The following TRPS1 variants were observed in gnomAD, a reference collection of about 807,000 sequenced individuals.
TRPS1 encodes the protein transcriptional repressor GATA binding 1, also known as zinc finger transcription factor Trps1.
Under a neutral mutation model 101.2 loss-of-function variants are expected in TRPS1, and 6 were observed. The ratio of observed to expected loss-of-function variants is 0.06; its 90% confidence interval spans 0.03 to 0.12. TRPS1 has a LOEUF of 0.12. Among genes scored for constraint, TRPS1 ranks in the 10% least tolerant of loss-of-function variants. The pLI is 1.00. For missense variants in TRPS1, 1,363 were observed against 1,567.0 expected (o/e 0.87, Z 2.20); for synonymous variants, 578 against 589.8 (o/e 0.98, Z 0.29).
chr8:115,450,201 T>G lies in TRPS1; in HGVS notation c.2701-31749A>C, dbSNP rs113925894. On this transcript the variant is annotated intron_variant, in intron 5 of 6. Coordinates refer to ENST00000395715, the MANE Select transcript of TRPS1 (RefSeq NM_014112.5). ...ATTAAAAATTTAAGTAAGTTATTTC[T>G]GAAATTTATTTCTTGCACCCACCTA... 5.9e-3 allele frequency among the ~76,000 whole-genome samples: 895 copies of G among 152,332 alleles called. 6 individuals are homozygous for G. Among genetic ancestry groups the G allele is most frequent in the Non-Finnish European group, 9.5e-3 (645 of 68,028 alleles).
intron 5 of TRPS1, among the ~76,000 whole-genome samples, chr8:115,518,992 G>A (rs1250275306): frequency 2.6e-5 from 4 of 151,706 alleles, no homozygotes; most frequent in Middle Eastern, 3.4e-3. Flanking sequence ...TAAAGGGTAG[G>A]GACCACTTTA....
intron 5 of TRPS1, among the ~76,000 whole-genome samples, chr8:115,533,703 G>A (rs1260194878): frequency 1.3e-5 from 2 of 151,882 alleles, no homozygotes; most frequent in Non-Finnish European, 2.9e-5. Context: ...TAGACTGGGT[G>A]GCTTAAACAA....
chr8:115,523,751 G>A (rs1815925557), intron 5 of TRPS1, among the ~76,000 whole-genome samples: 1 of 152,092 alleles, frequency 6.6e-6, no homozygotes, highest in Admixed American at 6.6e-5. Flanking sequence ...TTGATACATG[G>A]ATGAGTCTCC....
At chr8:115,640,967 C>A (rs770132655) in intron 1 of TRPS1, among the ~76,000 whole-genome samples, 21 of 152,088 alleles carry the variant, frequency 1.4e-4, no homozygotes, top group Admixed American at 6.6e-4. Flanking sequence ...ATTGCTTAAA[C>A]CTGATTTTAC....
intron 5 of TRPS1, among the ~76,000 whole-genome samples, chr8:115,575,901 T>C (rs1817307059): frequency 6.6e-6 from 1 of 152,134 alleles, no homozygotes; most frequent in Non-Finnish European, 1.5e-5. Context: ...TTAGAGTCTA[T>C]TCATGGACTC....
chr8:115,618,502 C>T (rs1318434247), intron 3 of TRPS1, among the ~76,000 whole-genome samples: 1 of 152,086 alleles, frequency 6.6e-6, no homozygotes, highest in African/African-American at 2.4e-5. Context: ...TTGCCATTTT[C>T]CTTAAATGCA....
chr8:115,507,529 C>T (rs1190155179), intron 5 of TRPS1, among the ~76,000 whole-genome samples: 1 of 151,880 alleles, frequency 6.6e-6, no homozygotes, highest in Non-Finnish European at 1.5e-5. Flanking sequence ...TACAGAGAAG[C>T]ACAGAAACGA....
intron 1 of TRPS1, among the ~76,000 whole-genome samples, chr8:115,648,853 T>TC (rs1216671975): frequency 6.6e-6 from 1 of 152,136 alleles, no homozygotes; most frequent in Non-Finnish European, 1.5e-5. Context: ...TTTTTTTTTT[T>TC]CTTTTTTGTC....
rs575493311 is a variant in TRPS1 at position 115,477,139 on chromosome 8, T to C, written c.2701-58687A>G. 3.9e-5 allele frequency among the ~76,000 whole-genome samples: 6 copies of C among 152,226 alleles called. No homozygotes were observed. The South Asian group carries it at 1.0e-3, about 26-fold the overall frequency. On this transcript the variant is annotated intron_variant, in intron 5 of 6. Coordinates refer to ENST00000395715, the MANE Select transcript of TRPS1 (RefSeq NM_014112.5). ...ACATTTGAATGAATTAAGTGAGAAA[T>C]GTGACACAGAAATACCTGTGTGTTA... is the stretch of plus-strand genomic sequence containing the variant.
At chr8:115,655,039 T>C (rs1811647940) in intron 1 of TRPS1, among the ~76,000 whole-genome samples, 1 of 152,184 alleles carries the variant, frequency 6.6e-6, no homozygotes, top group Non-Finnish European at 1.5e-5. Flanking sequence ...ATGAGGATGG[T>C]GAACGGACCC....
At chr8:115,627,264 T>C (rs1467479495) in intron 1 of TRPS1, among the ~76,000 whole-genome samples, 1 of 151,750 alleles carries the variant, frequency 6.6e-6, no homozygotes, top group Non-Finnish European at 1.5e-5. Flanking sequence ...ACTGTGCAAA[T>C]TGAGAAATGT....
At chr8:115,541,563 C>T (rs1463714623) in intron 5 of TRPS1, among the ~76,000 whole-genome samples, 1 of 152,120 alleles carries the variant, frequency 6.6e-6, no homozygotes, top group Non-Finnish European at 1.5e-5. Context: ...AAATTAGGTT[C>T]AGAGGTCAAG....
intron 5 of TRPS1, among the ~76,000 whole-genome samples, chr8:115,538,763 CAAG>C (rs1478594667): frequency 6.6e-6 from 1 of 152,030 alleles, no homozygotes; most frequent in Non-Finnish European, 1.5e-5. Flanking sequence ...TACTGAGAGA[CAAG>C]AAGACAACTC....
At chr8:115,583,276 A>G (rs1226887692) in intron 5 of TRPS1, among the ~76,000 whole-genome samples, 1 of 152,036 alleles carries the variant, frequency 6.6e-6, no homozygotes, top group Non-Finnish European at 1.5e-5. Context: ...ATCATAAAAA[A>G]AAAACTTGTC....
intron 4 of TRPS1, among the ~76,000 whole-genome samples, chr8:115,591,787 G>A (rs1817684881): frequency 6.6e-6 from 1 of 152,120 alleles, no homozygotes; most frequent in African/African-American, 2.4e-5. Context: ...ACATTTTAAC[G>A]GAAGGATATT....
At chr8:115,494,094 T>G (rs983310316) in intron 5 of TRPS1, among the ~76,000 whole-genome samples, 1 of 152,194 alleles carries the variant, frequency 6.6e-6, no homozygotes, top group African/African-American at 2.4e-5. Flanking sequence ...TGAACTCCAG[T>G]GTCCATGGCA....
intron 5 of TRPS1, among the ~76,000 whole-genome samples, chr8:115,560,688 G>C (rs547513678): frequency 5.3e-5 from 8 of 152,168 alleles, no homozygotes; most frequent in East Asian, 1.9e-4. Flanking sequence ...TCAGAAACTG[G>C]ACTGGATGAA....
chr8:115,513,456 A>G (rs1229189711), intron 5 of TRPS1, among the ~76,000 whole-genome samples: 2 of 151,696 alleles, frequency 1.3e-5, no homozygotes, highest in Non-Finnish European at 3.0e-5. Context: ...AGAAGTAGAC[A>G]AGAAGTGCCT....
intron 5 of TRPS1, among the ~76,000 whole-genome samples, chr8:115,422,517 C>A (rs1227344158): frequency 6.6e-6 from 1 of 152,166 alleles, no homozygotes; most frequent in Non-Finnish European, 1.5e-5. Context: ...CAGACGCCCG[C>A]CACCATGCCT....
Sources: gnomAD v4.1 joint callset for allele counts (sites outside exome capture counted in the v4.1 genomes callset) on GRCh38, gnomAD v4.1.1 for gene constraint, MANE v1.5 for transcripts, NCBI Gene and HGNC (gene_info 2026-07-23, HGNC 2026-07-21) for gene names.